The following EEPD1 variants were observed in gnomAD, a reference collection of about 807,000 sequenced individuals.
EEPD1 encodes endonuclease/exonuclease/phosphatase family domain containing 1, also known as endonuclease/exonuclease/phosphatase family domain-containing protein 1.
In EEPD1, 17 loss-of-function variants were observed where a neutral mutation model predicts 46.3. The ratio of observed to expected loss-of-function variants is 0.37; its 90% CI spans 0.25 to 0.55. The LOEUF is 0.55. Among genes scored for constraint, EEPD1 ranks in the 20% least tolerant of loss-of-function variants. The probability of loss-of-function intolerance (pLI) is 0.83; values close to 1 mark genes in which losing one functional copy is unlikely to be tolerated. For missense variants in EEPD1, 673 were observed against 745.6 expected, an observed-to-expected ratio of 0.90 and a Z score of 1.13; for synonymous variants, 313 against 315.6, an observed-to-expected ratio of 0.99 and a Z score of 0.09.
rs758551292 is a variant in EEPD1, at chr7:36,154,295, G to C, written c.-30G>C. On this transcript the variant is annotated 5_prime_UTR_variant, in exon 2 of 8. Coordinates refer to ENST00000242108, the MANE Select transcript of EEPD1 (RefSeq NM_030636.3). This position sits in a 1 kb window ranked among gnomAD's most constrained non-coding sequence, Gnocchi z 4.2. ...CAGAGAGCTCTTCTGCAGTGGTGCG[G>C]CCTTCCCGGGAGCCTGATCCTGGCG... The C allele has an allele frequency of 2.5e-6, 4 of 1,588,628 alleles. No homozygotes were observed. Among genetic ancestry groups the C allele is most frequent in the Non-Finnish European group, 3.4e-6 (4 of 1,172,138 alleles).
At chr7:36,228,873 TGAAAATTGATTAATAGGTTTGTCACA>T (rs2115761054) in intron 2 of EEPD1, 1 of 152,302 alleles carries the variant, frequency 6.6e-6, no homozygotes, top group African/African-American at 2.4e-5. Context: ...TTATTAAGGA[TGAAAATTGATTAATAGGTTTGTCACA>T]GAGACATGTG....
chr7:36,161,705 C>A (rs564415174), intron 2 of EEPD1, among the ~76,000 whole-genome samples: 52 of 152,120 alleles, frequency 3.4e-4, no homozygotes, highest in Non-Finnish European at 6.2e-4. Context: ...ATTTTAATTT[C>A]AAAATGACCT....
At chr7:36,288,534 G>A (rs558565968) in intron 6 of EEPD1, among the ~76,000 whole-genome samples, 3 of 152,314 alleles carry the variant, frequency 2.0e-5, no homozygotes, top group African/African-American at 7.2e-5. Flanking sequence ...GCCAAGGCGG[G>A]AGGATCACTT....
At chr7:36,181,690 C>T (rs747540223) in intron 2 of EEPD1, among the ~76,000 whole-genome samples, 7 of 152,240 alleles carry the variant, frequency 4.6e-5, no homozygotes, top group South Asian at 2.1e-4. Context: ...AGTTAGGAAC[C>T]GTCTGGATTT....
intron 2 of EEPD1, among the ~76,000 whole-genome samples, chr7:36,156,820 A>G (rs1270850863): frequency 1.3e-5 from 2 of 152,190 alleles, no homozygotes; most frequent in African/African-American, 2.4e-5. Flanking sequence ...GAACCATTGT[A>G]CTAGGTGTTA....
chr7:36,165,250 C>T (rs1784963434), intron 2 of EEPD1, among the ~76,000 whole-genome samples: 1 of 152,052 alleles, frequency 6.6e-6, no homozygotes, highest in Non-Finnish European at 1.5e-5. Flanking sequence ...TACTGTACTT[C>T]TTCTATGTTT....
At chr7:36,257,858 G>A (rs1292919233) in intron 3 of EEPD1, among the ~76,000 whole-genome samples, 1 of 152,070 alleles carries the variant, frequency 6.6e-6, no homozygotes, top group African/African-American at 2.4e-5. Context: ...GTCCAGTTTT[G>A]TTCCCTTCCT....
chr7:36,154,270 C>A lies in EEPD1; in HGVS notation c.-55C>A, dbSNP rs921068792. On this transcript the variant is annotated 5_prime_UTR_variant, in exon 2 of 8. Transcript: ENST00000242108. The surrounding 1 kb of genome is among the most constrained non-coding windows in gnomAD (Gnocchi z 4.2). ...CGGCCTACTGGGCTTCCTCCCTAGC[C>A]AGAGAGCTCTTCTGCAGTGGTGCGG... 1.3e-6 allele frequency: 2 copies of A among 1,546,712 alleles called. No homozygotes were observed. The highest frequency in any genetic ancestry group is 2.7e-5 in the African/African-American group (2 of 73,734).
intron 2 of EEPD1, among the ~76,000 whole-genome samples, chr7:36,200,200 T>A (rs1785690953): frequency 6.6e-6 from 1 of 152,184 alleles, no homozygotes; most frequent in African/African-American, 2.4e-5. Flanking sequence ...TCTCATCATT[T>A]ATCTTCCACT....
At chr7:36,251,460 A>T (rs1786738434) in intron 3 of EEPD1, among the ~76,000 whole-genome samples, 1 of 152,144 alleles carries the variant, frequency 6.6e-6, no homozygotes, top group East Asian at 1.9e-4. Flanking sequence ...ACAGGCATGC[A>T]CCATCTTGCC....
intron 3 of EEPD1, among the ~76,000 whole-genome samples, chr7:36,245,484 A>G (rs1786625805): frequency 1.3e-5 from 2 of 152,084 alleles, no homozygotes; most frequent in Admixed American, 1.3e-4. Context: ...GTAGGGTTCT[A>G]GTTTTTGCCT....
In EEPD1 at chr7:36,297,116, C is replaced by T. The variant is rs1285671673; in HGVS notation, c.1439C>T (p.Thr480Ile). 6.2e-7 allele frequency: 1 copy of T among 1,614,212 alleles called. No homozygotes were observed. Among genetic ancestry groups the T allele is most frequent in the Admixed American group, 1.7e-5 (1 of 60,032 alleles). Residue 480 changes from threonine (T) to isoleucine (I), a missense_variant, in exon 7 of 8, where the codon ACC (threonine) becomes ATC (isoleucine). Transcript: ENST00000242108. ...IPAHTFTNIS[T>I]KNPQGSKSLD... ...GCGCACACCTTCACCAACATCAGCA[C>T]CAAGAACCCTCAAGGCTCGAAGTCT...
chr7:36,279,826 C>G (rs959022444), intron 3 of EEPD1, among the ~76,000 whole-genome samples: 7 of 152,210 alleles, frequency 4.6e-5, no homozygotes, highest in African/African-American at 1.7e-4. Context: ...GTCCCTAGAC[C>G]ACACTTTGAG....
rs1313222735 is a variant in EEPD1, at chr7:36,287,810, C to G, written c.1315+33C>G. On this transcript the variant is annotated intron_variant, in intron 6 of 7. Coordinates refer to ENST00000242108, the MANE Select transcript of EEPD1 (RefSeq NM_030636.3). The stretch of plus-strand genomic sequence containing the variant: ...ATTGTCTTTTGCTGTGACTCGGCCA[C>G]TGTTTTGCAGAGCAGCAGGGCTGCC... 1.9e-6 allele frequency: 3 copies of G among 1,608,890 alleles called. No homozygotes were observed. In the Admixed American group the frequency reaches 5.0e-5, roughly 27 times the overall value.
At chr7:36,198,354 A>AAAG (rs1785648950) in intron 2 of EEPD1, among the ~76,000 whole-genome samples, 1 of 135,032 alleles carries the variant, frequency 7.4e-6, no homozygotes, top group African/African-American at 2.7e-5. Context: ...AAAAAAAAAA[A>AAAG]AAAAGAAAGA....
intron 4 of EEPD1, among the ~76,000 whole-genome samples, chr7:36,281,701 A>G (rs911543740): frequency 6.6e-6 from 1 of 152,232 alleles, no homozygotes; most frequent in Non-Finnish European, 1.5e-5. Flanking sequence ...TTCTTTCATC[A>G]GTATCACCCA....
intron 3 of EEPD1, among the ~76,000 whole-genome samples, chr7:36,255,122 G>A (rs1462000739): frequency 7.9e-5 from 12 of 152,058 alleles, no homozygotes; most frequent in Non-Finnish European, 2.9e-5. Context: ...CTTTTGCTGT[G>A]CAGAAGCTCT....
chr7:36,201,142 C>A (rs1785705674), intron 2 of EEPD1, among the ~76,000 whole-genome samples: 1 of 151,952 alleles, frequency 6.6e-6, no homozygotes, highest in Admixed American at 6.5e-5. Flanking sequence ...AATAACTGAC[C>A]AGTACTCTTA....
At position 36,299,061 on chromosome 7, in the gene EEPD1, G is replaced by A; in HGVS notation, c.1565G>A (p.Trp522Ter). ...GLTNPWIPDN[W>*]SWGGVASEHC... ...ACGAACCCTTGGATTCCGGATAACT[G>A]GTCTTGGGGCGGGGTGGCTTCTGAA... Residue 522 changes from tryptophan to a stop codon, truncating the protein, a stop_gained, in exon 8 of 8, where the codon TGG (tryptophan) becomes TAG (stop). Transcript: ENST00000242108. LOFTEE classifies it high-confidence loss of function. 1.9e-6 allele frequency: 3 copies of A among 1,614,136 alleles called. No individual in the cohort carries two copies. Among genetic ancestry groups the A allele is most frequent in the Non-Finnish European group, 2.5e-6 (3 of 1,180,034 alleles).
Sources: allele counts gnomAD v4.1 joint callset (sites outside exome capture counted in the v4.1 genomes callset), GRCh38; gene constraint gnomAD v4.1.1; non-coding constraint Gnocchi (gnomAD v3.1); transcripts MANE v1.5; gene names NCBI Gene and HGNC (gene_info 2026-07-23, HGNC 2026-07-21).